The following C2CD2 variants were observed in gnomAD, a reference collection of about 807,000 sequenced individuals.
The protein encoded by C2CD2 is C2 domain-containing protein 2.
C2CD2 carries 43 observed loss-of-function variants against 74.3 expected under a neutral mutation model. That is an observed-to-expected ratio of 0.58 (90% CI 0.45 to 0.75). C2CD2 has a LOEUF of 0.75. C2CD2 is among the 30% of genes least tolerant of loss of function. The pLI is 0.00. For synonymous variants in C2CD2, 422 were observed against 390.7 expected, an observed-to-expected ratio of 1.08 and a Z score of -0.94; for missense variants, 801 against 916.3, an observed-to-expected ratio of 0.87 and a Z score of 1.63.
rs1456681797 is a variant in C2CD2 at position 41,939,915 on chromosome 21, C to T, written c.378+2232G>A. On this transcript the variant is annotated intron_variant, in intron 2 of 13. Transcript: ENST00000380486. This position sits in a 1 kb window ranked among gnomAD's most constrained non-coding sequence, Gnocchi z 5.5. The stretch of plus-strand genomic sequence containing the variant: ...GTCCTCCGGTGCTTGTCTGAGGAGT[C>T]GGGAGGCGGTGAACAGACACAATCG... Among the ~76,000 whole-genome samples, 2 of 152,266 alleles carry T rather than the reference C, an allele frequency of 1.3e-5. No homozygotes were observed. The highest frequency in any genetic ancestry group is 2.1e-4 in the South Asian group (1 of 4,824).
chr21:41,928,156 G>A (rs1435811204), intron 2 of C2CD2, among the ~76,000 whole-genome samples: 1 of 152,208 alleles, frequency 6.6e-6, no homozygotes, highest in Non-Finnish European at 1.5e-5. Context: ...TCTCCAGGCT[G>A]GCAGCTAGTG....
At chr21:41,909,578 T>C in intron 7 of C2CD2, 55 bp from the exon 8 acceptor site, 1 of 1,147,544 alleles carries the variant, frequency 8.7e-7, no homozygotes, top group South Asian at 1.2e-5. Flanking sequence ...TGATTCTTTT[T>C]ATGAAATAGA....
Position 41,899,366 on chromosome 21 carries a change from T to C in C2CD2, c.1561-4A>G. 6.2e-7 allele frequency: 1 copy of C among 1,602,802 alleles called. No individual in the cohort carries two copies. Among genetic ancestry groups the C allele is most frequent in the South Asian group, 1.1e-5 (1 of 90,952 alleles). On this transcript the variant is annotated splice_region_variant and splice_polypyrimidine_tract_variant and intron_variant, in intron 12 of 13. Coordinates refer to ENST00000380486, the MANE Select transcript of C2CD2 (RefSeq NM_015500.2). The surrounding 1 kb of genome is among the most constrained non-coding windows in gnomAD (Gnocchi z 4.4). ...CGTGGTCCTGAGATAGTGAGGTCTG[T>C]CAGGGGCAGTGGGGAAGATGACAAG... is the stretch of plus-strand genomic sequence containing the variant.
intron 2 of C2CD2, among the ~76,000 whole-genome samples, chr21:41,937,289 C>T (rs914666303): frequency 2.0e-5 from 3 of 151,002 alleles, no homozygotes; most frequent in African/African-American, 7.3e-5. Context: ...GCTAATTTTT[C>T]TGTATTTTTA....
At chr21:41,912,499 T>TA (rs11387062) in intron 6 of C2CD2, 59 bp from the exon 7 acceptor site, 313,930 of 851,664 alleles carry the variant, frequency 0.37, 61,028 homozygotes, top group South Asian at 0.4. Flanking sequence ...ATTTATTTTT[T>TA]TTTTTTTTTG....
At chr21:41,931,231 G>A (rs1239571732) in intron 2 of C2CD2, among the ~76,000 whole-genome samples, 1 of 150,328 alleles carries the variant, frequency 6.7e-6, no homozygotes, top group Non-Finnish European at 1.5e-5. Context: ...GCAGGAGCGT[G>A]CTTCCACACC....
intron 1 of C2CD2, 76 bp downstream of exon 1, chr21:41,953,294 C>T: frequency 1.0e-6 from 1 of 989,352 alleles, no homozygotes; most frequent in Non-Finnish European, 1.4e-6. Context: ...TGCAGCGACG[C>T]CTCCAGGAAA....
At chr21:41,927,436 G>A (rs2065223214) in intron 2 of C2CD2, among the ~76,000 whole-genome samples, 2 of 151,862 alleles carry the variant, frequency 1.3e-5, no homozygotes, top group African/African-American at 4.8e-5. Flanking sequence ...GGGATTACAG[G>A]CGGGAACCAC....
chr21:41,931,941 C>A (rs1195419782), intron 2 of C2CD2, among the ~76,000 whole-genome samples: 1 of 63,816 alleles, frequency 1.6e-5, no homozygotes, highest in East Asian at 4.1e-4. Flanking sequence ...CATCCCACCA[C>A]CCCACCTCCA....
At position 41,899,890 on chromosome 21, in the gene C2CD2, GA is replaced by G. The variant is rs2064872837; in HGVS notation, c.1561-529del. 6.7e-6 allele frequency among the ~76,000 whole-genome samples: 1 copy of G among 150,200 alleles called. No homozygotes were observed. Among genetic ancestry groups the G allele is most frequent in the Non-Finnish European group, 1.5e-5 (1 of 67,670 alleles). On this transcript the variant is annotated intron_variant, in intron 12 of 13. Transcript: ENST00000380486. The surrounding 1 kb of genome is among the most constrained non-coding windows in gnomAD (Gnocchi z 4.4). ...CGGGATAGCGCTTCCTTGGAGGGGG[GA>G]AAGTTTGGGGAGGAGGGCACGGGGG...
Position 41,918,124 on chromosome 21 carries a change from G to T in C2CD2, c.701C>A (p.Thr234Lys). Residue 234 changes from threonine (T) to lysine (K), a missense_variant, in exon 5 of 14, where the codon ACG becomes AAG. Coordinates refer to ENST00000380486, the MANE Select transcript of C2CD2 (RefSeq NM_015500.2). ...SPSVVLITKP[T>K]TVKEAQNLQC... Reference sequence around the variant, plus strand: ...GTTTACCTGAGCTTCCTTTACAGTCGTGGGCTTGGTAATCAGAACCACTGA... The same window carrying T: ...GTTTACCTGAGCTTCCTTTACAGTCTTGGGCTTGGTAATCAGAACCACTGA... 1 of 1,614,078 alleles carries T rather than the reference G, an allele frequency of 6.2e-7. No individual in the cohort carries two copies. Among genetic ancestry groups the T allele is most frequent in the Non-Finnish European group, 8.5e-7 (1 of 1,179,990 alleles).
At chr21:41,908,316 T>C (rs1488005647) in intron 8 of C2CD2, 1 of 153,000 alleles carries the variant, frequency 6.5e-6, no homozygotes, top group Non-Finnish European at 1.4e-5. Flanking sequence ...GCACAAATAG[T>C]AGAGGAAACT....
At chr21:41,943,813 C>T (rs1341946234) in intron 1 of C2CD2, among the ~76,000 whole-genome samples, 1 of 152,350 alleles carries the variant, frequency 6.6e-6, no homozygotes, top group Admixed American at 6.5e-5. Flanking sequence ...CTTACACTGT[C>T]TATCTCATCC....
intron 13 of C2CD2, among the ~76,000 whole-genome samples, chr21:41,897,409 C>T (rs1397401575): frequency 6.6e-6 from 1 of 152,172 alleles, no homozygotes; most frequent in African/African-American, 2.4e-5. Context: ...TCACTGTCTA[C>T]AAGACAAAGA....
At chr21:41,938,977 C>T (rs2065332593) in intron 2 of C2CD2, among the ~76,000 whole-genome samples, 1 of 152,152 alleles carries the variant, frequency 6.6e-6, no homozygotes, top group African/African-American at 2.4e-5. Context: ...CTCCTGACCT[C>T]ATGATCCGCC....
rs150307968 is a variant in C2CD2 at position 41,939,798 on chromosome 21, C to T, written c.378+2349G>A. Among the ~76,000 whole-genome samples the T allele has an allele frequency of 8.5e-5, 13 of 152,308 alleles. No homozygotes were observed. In the East Asian group the frequency reaches 2.3e-3, roughly 27 times the overall value. On this transcript the variant is annotated intron_variant, in intron 2 of 13. Transcript: ENST00000380486. This position sits in a 1 kb window ranked among gnomAD's most constrained non-coding sequence, Gnocchi z 5.5. ...CCTATGCTGCTGGGGCAGAGAAAAC[C>T]GGGAACAGCACTTTGGTGACTGACT...
intron 2 of C2CD2, among the ~76,000 whole-genome samples, chr21:41,938,406 T>A (rs1038961750): frequency 6.6e-6 from 1 of 152,164 alleles, no homozygotes; most frequent in African/African-American, 2.4e-5. Context: ...AAAATACACA[T>A]AAAACTGACC....
chr21:41,937,932 G>GTC (rs2065321718), intron 2 of C2CD2, among the ~76,000 whole-genome samples: 3 of 152,174 alleles, frequency 2.0e-5, no homozygotes, highest in African/African-American at 7.2e-5. Flanking sequence ...GAGCAGAATG[G>GTC]TGGTTACCAG....
rs1389769492 is a variant in C2CD2 at position 41,939,483 on chromosome 21, T to C, written c.378+2664A>G. On this transcript the variant is annotated intron_variant, in intron 2 of 13. Transcript: ENST00000380486. The surrounding 1 kb of genome is among the most constrained non-coding windows in gnomAD (Gnocchi z 5.5). ...GGATGAAGTCTCTATTTGCCACAAA[T>C]AGAGAGGGTGCTCACCGCCTGGGAA... is the stretch of plus-strand genomic sequence containing the variant. Among the ~76,000 whole-genome samples the C allele has an allele frequency of 1.3e-5, 2 of 152,038 alleles. No homozygotes were observed. Among genetic ancestry groups the C allele is most frequent in the Non-Finnish European group, 2.9e-5 (2 of 68,000 alleles).
Sources: allele counts gnomAD v4.1 joint callset (sites outside exome capture counted in the v4.1 genomes callset), GRCh38; gene constraint gnomAD v4.1.1; non-coding constraint Gnocchi (gnomAD v3.1); transcripts MANE v1.5; gene names NCBI Gene and HGNC (gene_info 2026-07-23, HGNC 2026-07-21).